Variants in NME1 observed in about 807,000 individuals in gnomAD.
NME1 encodes the protein NME/NM23 nucleoside diphosphate kinase 1.
In NME1, 9 loss-of-function variants were observed where a neutral mutation model predicts 17.2. The ratio of observed to expected loss-of-function variants is 0.52; its 90% CI spans 0.32 to 0.92. The LOEUF (loss-of-function observed/expected upper bound fraction) is 0.92, where lower values mean the gene tolerates loss of function less well. NME1 is among the 40% of genes least tolerant of loss of function. NME1 has a pLI of 0.04. For synonymous variants in NME1, 72 were observed against 70.8 expected (o/e 1.02, Z -0.09); for missense variants, 169 against 201.7 (o/e 0.84, Z 0.98).
rs554101799 is a variant in NME1, at chr17:51,155,151, G to A, written c.-4-500G>A. 4.6e-3 allele frequency among the ~76,000 whole-genome samples: 702 copies of A among 151,874 alleles called. 8 individuals carry two copies. Among genetic ancestry groups the A allele is most frequent in the African/African-American group, 0.016 (669 of 41,364 alleles). On this transcript the variant is annotated intron_variant, in intron 1 of 4. Transcript: ENST00000393196. Reference sequence around the variant, plus strand: ...CCCAGCTATTTAGGAGGTTGAGGTAGGAGAATTGCTTGCCTGGGAAGTGGA... The same window carrying A: ...CCCAGCTATTTAGGAGGTTGAGGTAAGAGAATTGCTTGCCTGGGAAGTGGA...
Position 51,161,279 on chromosome 17 carries a change from T to A in NME1, c.341+7T>A. 1 of 1,595,150 alleles carries A rather than the reference T, an allele frequency of 6.3e-7. No homozygotes were observed. Among genetic ancestry groups the A allele is most frequent in the Non-Finnish European group, 8.5e-7 (1 of 1,170,468 alleles). On this transcript the variant is annotated splice_region_variant and intron_variant, in intron 4 of 4. Transcript: ENST00000393196. ...TCTGCATACAAGTTGGCAGGTGAGA[T>A]TTTGGTATTTTTCCCCCTTTTCCAA...
At chr17:51,155,370 G>A (rs1337183567) in intron 1 of NME1, among the ~76,000 whole-genome samples, 1 of 152,052 alleles carries the variant, frequency 6.6e-6, no homozygotes, top group East Asian at 1.9e-4. Flanking sequence ...GCAACATAGC[G>A]AAACCCCATC....
At chr17:51,160,544 A>C (rs2049849741) in intron 3 of NME1, 1 of 331,764 alleles carries the variant, frequency 3.0e-6, no homozygotes, top group African/African-American at 2.2e-5. Flanking sequence ...CTTCTCTCTT[A>C]GGGGTGTGTT....
At position 51,154,410 on chromosome 17, in the gene NME1, G is replaced by C. The variant is rs765752882; in HGVS notation, c.-5+748G>C. Reference sequence around the variant, plus strand: ...GTCTACTTTAGGGATCGTCTTTCAAGGCGAGGGGCCTCCTATCTCAAGCTG... The same window carrying C: ...GTCTACTTTAGGGATCGTCTTTCAACGCGAGGGGCCTCCTATCTCAAGCTG... On this transcript the variant is annotated intron_variant, in intron 1 of 4. Coordinates refer to ENST00000393196, the MANE Select transcript of NME1 (RefSeq NM_000269.3). The C allele has an allele frequency of 1.1e-5, 17 of 1,614,150 alleles. No homozygotes were observed. In the Middle Eastern group the frequency reaches 1.2e-3, roughly 110 times the overall value.
At chr17:51,154,271 C>T (rs1324778085) in intron 1 of NME1, 1 of 1,029,804 alleles carries the variant, frequency 9.7e-7, no homozygotes, top group Non-Finnish European at 1.5e-6. Context: ...ACTAAGTCAG[C>T]CTGGTGTGCA....
At chr17:51,158,298 G>A (rs1051038914) in intron 2 of NME1, among the ~76,000 whole-genome samples, 5 of 151,512 alleles carry the variant, frequency 3.3e-5, no homozygotes, top group African/African-American at 4.9e-5. Flanking sequence ...ATAATTAGCC[G>A]GGTGTAGTGG....
intron 2 of NME1, among the ~76,000 whole-genome samples, chr17:51,156,710 G>A (rs1030141468): frequency 6.6e-6 from 1 of 151,590 alleles, no homozygotes; most frequent in Non-Finnish European, 1.5e-5. Flanking sequence ...TGACCAATAT[G>A]ATGAAACCCC....
chr17:51,155,933 G>A (rs879727954), intron 2 of NME1, 153 bp downstream of exon 2: 295 of 1,249,222 alleles, frequency 2.4e-4, no homozygotes, highest in Non-Finnish European at 3.2e-4. Context: ...GTGCCCTAGC[G>A]TTTGGCTACA....
intron 1 of NME1, among the ~76,000 whole-genome samples, chr17:51,155,391 C>T (rs945335663): frequency 1.3e-5 from 2 of 152,114 alleles, no homozygotes; most frequent in African/African-American, 2.4e-5. Context: ...TCTAAAAAAA[C>T]CCCACAAAAA....
At position 51,155,695 on chromosome 17, in the gene NME1, A is replaced by G. The variant is rs769150589; in HGVS notation, c.41A>G (p.Asp14Gly). 4 of 1,614,146 alleles carry G rather than the reference A, an allele frequency of 2.5e-6. No homozygotes were observed. In the South Asian group the frequency reaches 3.3e-5, roughly 13 times the overall value. The stretch of plus-strand genomic sequence containing the variant: ...CGTACCTTCATTGCGATCAAACCAG[A>G]TGGGGTCCAGCGGGGTCTTGTGGGA... ...CERTFIAIKP[D>G]GVQRGLVGEI... is the part of the protein sequence containing the mutation. Residue 14 changes from aspartate (D) to glycine (G), a missense_variant, in exon 2 of 5, where the codon GAT becomes GGT. By Grantham distance (94) the Asp-to-Gly change is moderately conservative. Transcript: ENST00000393196.
At chr17:51,154,528 C>T (rs1018833464) in intron 1 of NME1, 3 of 1,146,288 alleles carry the variant, frequency 2.6e-6, no homozygotes, top group Non-Finnish European at 2.6e-6. Flanking sequence ...TATGATGTCC[C>T]GTATCAGATA....
chr17:51,161,287 T>A lies in NME1; in HGVS notation c.341+15T>A, dbSNP rs1240767325. The A allele has an allele frequency of 6.3e-7, 1 of 1,583,522 alleles. No homozygotes were observed. Among genetic ancestry groups the A allele is most frequent in the African/African-American group, 1.3e-5 (1 of 74,474 alleles). On this transcript the variant is annotated intron_variant, in intron 4 of 4. Transcript: ENST00000393196. ...CAAGTTGGCAGGTGAGATTTTGGTA[T>A]TTTTCCCCCTTTTCCAAAATCTGAT...
chr17:51,155,794 A>G lies in NME1; in HGVS notation c.126+14A>G, dbSNP rs537942185. 1 of 1,612,974 alleles carries G rather than the reference A, an allele frequency of 6.2e-7. No homozygotes were observed. The highest frequency in any genetic ancestry group is 1.3e-5 in the African/African-American group (1 of 74,998). On this transcript the variant is annotated intron_variant, in intron 2 of 4. Coordinates refer to ENST00000393196, the MANE Select transcript of NME1 (RefSeq NM_000269.3). ...AAATTCATGCAAGTAAGTGGACTTC[A>G]TTGTTCCCATTTTGATTCCTTCATA... is the stretch of plus-strand genomic sequence containing the variant.
intron 3 of NME1, 54 bp downstream of exon 3, chr17:51,160,135 A>G: frequency 6.3e-7 from 1 of 1,596,772 alleles, no homozygotes; most frequent in South Asian, 1.1e-5. Flanking sequence ...CATCTGTGCT[A>G]GGCTCTCTTC....
intron 1 of NME1, chr17:51,154,457 C>A: frequency 1.2e-6 from 2 of 1,612,142 alleles, no homozygotes; most frequent in Non-Finnish European, 8.5e-7. Context: ...AGGTCATGAG[C>A]GCAGTCTTCT....
intron 2 of NME1, among the ~76,000 whole-genome samples, chr17:51,157,673 T>C (rs2049806628): frequency 6.6e-6 from 1 of 152,198 alleles, no homozygotes; most frequent in African/African-American, 2.4e-5. Context: ...AAGTACTTAC[T>C]CCTGTTCTCG....
intron 2 of NME1, among the ~76,000 whole-genome samples, chr17:51,159,329 G>A (rs2049831040): frequency 6.6e-6 from 1 of 152,156 alleles, no homozygotes; most frequent in African/African-American, 2.4e-5. Context: ...GGCTGGGCGC[G>A]GTGGCTTACG....
intron 1 of NME1, chr17:51,154,502 C>T: frequency 7.0e-7 from 1 of 1,435,614 alleles, no homozygotes. Flanking sequence ...TAGTTACTCT[C>T]TAGGCTTCCT....
Position 51,160,040 on chromosome 17 carries a change from G to C in NME1, c.187G>C (p.Gly63Arg). The change falls in exon 3 of 5, where the codon GGC (glycine) becomes CGC (arginine). Residue 63 changes from glycine to arginine, a missense_variant. By Grantham distance (125) the Gly-to-Arg change is moderately radical (BLOSUM62 -2). Coordinates refer to ENST00000393196, the MANE Select transcript of NME1 (RefSeq NM_000269.3). ...VDLKDRPFFA[G>R]LVKYMHSGPV... ...CCTGAAGGACCGTCCATTCTTTGCC[G>C]GCCTGGTGAAATACATGCACTCAGG... The C allele has an allele frequency of 6.2e-7, 1 of 1,614,064 alleles. No individual in the cohort carries two copies. The highest frequency in any genetic ancestry group is 1.7e-5 in the Admixed American group (1 of 60,000).
Sources: gnomAD v4.1 joint callset for allele counts (sites outside exome capture counted in the v4.1 genomes callset) on GRCh38, gnomAD v4.1.1 for gene constraint, MANE v1.5 for transcripts, NCBI Gene and HGNC (gene_info 2026-07-23, HGNC 2026-07-21) for gene names.